Variants in MFSD12 observed in about 807,000 individuals in gnomAD.
MFSD12 encodes major facilitator superfamily domain containing 12.
MFSD12 carries 67 observed loss-of-function variants against 51.2 expected under a neutral mutation model. The ratio of observed to expected loss-of-function variants is 1.31; its 90% CI spans 1.08 to 1.60. The LOEUF (loss-of-function observed/expected upper bound fraction) is 1.60, where lower values mean the gene tolerates loss of function less well. Among genes scored for constraint, MFSD12 ranks in the 40% most tolerant of loss-of-function variants. The pLI, the probability that MFSD12 is intolerant of heterozygous loss-of-function variation, is 0.00. For synonymous variants in MFSD12, 441 were observed against 316.7 expected, an observed-to-expected ratio of 1.39 and a Z score of -4.17; for missense variants, 921 against 673.0, an observed-to-expected ratio of 1.37 and a Z score of -4.08.
At chr19:3,541,214 T>C (rs1003980980), downstream of MFSD12, among the ~76,000 whole-genome samples, 6 of 143,094 alleles carry the variant, frequency 4.2e-5, no homozygotes, top group Non-Finnish European at 7.5e-5. Flanking sequence ...CACGTGCCTG[T>C]AATGCCAGCT....
At chr19:3,546,901 TCA>T (rs2031106909) in intron 6 of MFSD12, among the ~76,000 whole-genome samples, 2 of 150,852 alleles carry the variant, frequency 1.3e-5, no homozygotes, top group African/African-American at 4.9e-5. Context: ...TGGTGTGATC[TCA>T]TCTCACTGCA....
At chr19:3,542,370 G>C (rs747367638), downstream of MFSD12, 1 of 985,300 alleles carries the variant, frequency 1.0e-6, no homozygotes, top group Non-Finnish European at 1.2e-6. Flanking sequence ...AGATTGTTTT[G>C]AACCCTGCTA....
In MFSD12 at chr19:3,551,167, G is replaced by A. The variant is rs373115879; in HGVS notation, c.326C>T (p.Pro109Leu). Residue 109 changes from proline to leucine, a missense_variant, in exon 2 of 10, where the codon CCC becomes CTC. Physicochemically the swap from Pro to Leu is moderately conservative, Grantham distance 98. Coordinates refer to ENST00000355415, the MANE Select transcript of MFSD12 (RefSeq NM_174983.5). The surrounding 1 kb of genome is among the most constrained non-coding windows in gnomAD (Gnocchi z 4.6). Reference sequence around the variant, plus strand: ...GCCCAGGCAGGGGCTGAAGATGAAGGGGAAGGACAGCAGGACGCAGACGGT... The same window carrying A: ...GCCCAGGCAGGGGCTGAAGATGAAGAGGAAGGACAGCAGGACGCAGACGGT... ...VGTVCVLLSF[P>L]FIFSPCLGCG... The A allele has an allele frequency of 3.0e-5, 49 of 1,611,376 alleles. No individual in the cohort carries two copies. Among genetic ancestry groups the A allele is most frequent in the Non-Finnish European group, 3.8e-5 (45 of 1,179,436 alleles).
chr19:3,545,398 CCCTCCTCCCTCTACTCCAGCCACACAGG>C lies in MFSD12; in HGVS notation c.1290-487_1290-460del, dbSNP rs377475446. 4.0e-3 allele frequency among the ~76,000 whole-genome samples: 603 copies of C among 152,350 alleles called. 3 individuals carry two copies. Among genetic ancestry groups the C allele is most frequent in the African/African-American group, 0.014 (589 of 41,576 alleles). The stretch of plus-strand genomic sequence containing the variant: ...ACCAGGCCCTGCACGACCTGCCCTC[CCCTCCTCCCTCTACTCCAGCCACACAGG>C]CCTCCTCCCTGTTCTTCCAACACAA... On this transcript the variant is annotated intron_variant, in intron 8 of 9. Transcript: ENST00000355415.
In MFSD12 at chr19:3,546,171, G is replaced by A. The variant is rs770380127; in HGVS notation, c.1195-3C>T. On this transcript the variant is annotated splice_region_variant and splice_polypyrimidine_tract_variant and intron_variant, in intron 7 of 9. Transcript: ENST00000355415. ...CCGTACACGAACGCTCCGCTGTTCT[G>A]TGGAGACACAGGCGAGGTGGTCAGC... is the stretch of plus-strand genomic sequence containing the variant. The A allele has an allele frequency of 6.2e-7, 1 of 1,612,754 alleles. No individual in the cohort carries two copies. Among genetic ancestry groups the A allele is most frequent in the Non-Finnish European group, 8.5e-7 (1 of 1,179,688 alleles).
downstream of MFSD12, chr19:3,543,323 G>A (rs747476369): frequency 1.1e-5 from 17 of 1,549,148 alleles, no homozygotes; most frequent in South Asian, 6.0e-5. Context: ...GGGACGGGAC[G>A]CAGCCGGCCA....
downstream of MFSD12, chr19:3,542,877 G>A (rs1415724613): frequency 3.6e-6 from 5 of 1,396,748 alleles, no homozygotes; most frequent in South Asian, 5.7e-5. Flanking sequence ...CTTCCCAGAG[G>A]AAGGGACTTG....
At position 3,547,469 on chromosome 19, in the gene MFSD12, G is replaced by A. The variant is rs372872197; in HGVS notation, c.916C>T (p.Leu306Phe). Residue 306 changes from leucine to phenylalanine, a missense_variant, in exon 5 of 10, where the codon CTC (leucine) becomes TTC (phenylalanine). Leu to Phe is a conservative substitution (Grantham distance 22). Transcript: ENST00000355415. The part of the protein sequence containing the change: ...TYMAMYLTYS[L>F]HLPKKFIATI... Reference sequence around the variant, plus strand: ...AATCTGCTCACCTTGGGCAGGTGGAGCGAGTAGGTGAGGTACATGGCCATG... The same window carrying A: ...AATCTGCTCACCTTGGGCAGGTGGAACGAGTAGGTGAGGTACATGGCCATG... 1.9e-6 allele frequency: 3 copies of A among 1,613,166 alleles called. No individual in the cohort carries two copies. Among genetic ancestry groups the A allele is most frequent in the East Asian group, 2.2e-5 (1 of 44,876 alleles).
intron 8 of MFSD12, 93 bp from the exon 9 acceptor site, chr19:3,545,032 G>A (rs1023649939): frequency 1.4e-6 from 2 of 1,467,316 alleles, no homozygotes; most frequent in African/African-American, 1.4e-5. Flanking sequence ...CCCGACAGCG[G>A]CTCCGTCCTG....
chr19:3,546,653 C>A (rs1358851830), intron 6 of MFSD12, among the ~76,000 whole-genome samples: 1 of 152,262 alleles, frequency 6.6e-6, no homozygotes, highest in Non-Finnish European at 1.5e-5. Flanking sequence ...GGCTATTCTG[C>A]CTGAGCGCAG....
chr19:3,544,560 ACCCGACCCCACC>A lies in MFSD12; in HGVS notation c.*138_*149del. 1 of 1,440,656 alleles carries A rather than the reference ACCCGACCCCACC, an allele frequency of 6.9e-7. No homozygotes were observed. Among genetic ancestry groups the A allele is most frequent in the Admixed American group, 2.8e-5 (1 of 36,352 alleles). 89.2% of individuals were successfully genotyped at this position (1,440,656 alleles called of 1,614,324 possible). A position where few individuals can be genotyped will look rare whatever the true frequency, so the allele number is the denominator to read the frequency against. On this transcript the variant is annotated 3_prime_UTR_variant, in exon 10 of 10. Coordinates refer to ENST00000355415, the MANE Select transcript of MFSD12 (RefSeq NM_174983.5). Reference sequence around the variant, plus strand: ...CCTGGCGGGCATCCCTGCTGCCCTCACCCGACCCCACCCCCGGGAGCTGGGTGAGGATGGAGG... The same window carrying A: ...CCTGGCGGGCATCCCTGCTGCCCTCACCCGGGAGCTGGGTGAGGATGGAGG...
intron 1 of MFSD12, among the ~76,000 whole-genome samples, chr19:3,556,136 C>A (rs80297574): frequency 0.039 from 6,013 of 152,340 alleles, 152 homozygotes; most frequent in South Asian, 0.091. Flanking sequence ...TCTCAACTCC[C>A]GGAGCAGCAC....
chr19:3,543,298 G>C (rs1310685513), downstream of MFSD12: 1 of 1,548,918 alleles, frequency 6.5e-7, no homozygotes, highest in Admixed American at 2.0e-5. Flanking sequence ...CCACACGCTG[G>C]AAGTACACGC....
downstream of MFSD12, among the ~76,000 whole-genome samples, chr19:3,541,247 G>T (rs991646087): frequency 6.6e-6 from 1 of 150,732 alleles, no homozygotes; most frequent in African/African-American, 2.4e-5. Flanking sequence ...GAGGTAGGAG[G>T]ATCGCTTGAG....
downstream of MFSD12, chr19:3,541,830 A>G (rs1177659682): frequency 3.1e-6 from 3 of 980,672 alleles, no homozygotes; most frequent in Non-Finnish European, 3.6e-6. Flanking sequence ...TTGTGTTGAG[A>G]CAGAGTCTCG....
At chr19:3,546,224 T>C (rs1599825430) in intron 7 of MFSD12, 31 bp downstream of exon 7, 1 of 1,605,498 alleles carries the variant, frequency 6.2e-7, no homozygotes, top group Non-Finnish European at 8.5e-7. Flanking sequence ...GGACCCGGCC[T>C]CCCCCACCCC....
At chr19:3,544,961 G>A (rs372463087) in intron 8 of MFSD12, 22 bp from the exon 9 acceptor site, 6 of 1,592,666 alleles carry the variant, frequency 3.8e-6, no homozygotes, top group Admixed American at 1.7e-5. Flanking sequence ...GGCGGGGGAT[G>A]AGTAGGCACC....
downstream of MFSD12, chr19:3,542,662 T>C (rs570002966): frequency 3.1e-5 from 36 of 1,144,868 alleles, no homozygotes; most frequent in Non-Finnish European, 3.8e-5. Flanking sequence ...TTCGTATTTT[T>C]AGTAGAGATG....
chr19:3,547,638 C>G (rs1184538980), intron 4 of MFSD12, 91 bp from the exon 5 acceptor site: 1 of 1,280,930 alleles, frequency 7.8e-7, no homozygotes, highest in Non-Finnish European at 1.1e-6. Flanking sequence ...GGTGGGCGCC[C>G]TGCAGCTGGC....
Sources: gnomAD v4.1 joint callset for allele counts (sites outside exome capture counted in the v4.1 genomes callset) on GRCh38, gnomAD v4.1.1 for gene constraint, Gnocchi (gnomAD v3.1) non-coding constraint, MANE v1.5 for transcripts, NCBI Gene and HGNC (gene_info 2026-07-23, HGNC 2026-07-21) for gene names.